DHX8: variants seen among roughly 807,000 people sequenced by gnomAD.
DHX8 encodes ATP-dependent RNA helicase DHX8.
DHX8 carries 67 observed loss-of-function variants against 140.7 expected under a neutral mutation model. That is an observed-to-expected ratio of 0.48 (90% confidence interval 0.39 to 0.58). The LOEUF is 0.58. Among genes scored for constraint, DHX8 ranks in the 20% least tolerant of loss-of-function variants. The pLI is 0.00. For synonymous variants in DHX8, 533 were observed against 553.2 expected (o/e 0.96, Z 0.51); for missense variants, 887 against 1,550.7 (o/e 0.57, Z 7.19).
Position 43,507,107 on chromosome 17 carries a change from C to G in DHX8, c.1833C>G (p.Gly611=), listed in dbSNP as rs1347614803. 6.2e-7 allele frequency: 1 copy of G among 1,614,054 alleles called. No homozygotes were observed. The highest frequency in any genetic ancestry group is 1.1e-5 in the South Asian group (1 of 91,058). The change falls in exon 13 of 23, where the codon GGC becomes GGG. Residue 611 remains glycine, a synonymous_variant. Transcript: ENST00000262415. ...YLAEAGYTSR[G]KIGCTQPRRV... Reference sequence around the variant, plus strand: ...CGGAGGCAGGCTACACTTCCAGGGGCAAGATTGGGTGTACCCAGCCCAGAA... The same window carrying G: ...CGGAGGCAGGCTACACTTCCAGGGGGAAGATTGGGTGTACCCAGCCCAGAA...
Position 43,524,033 on chromosome 17 carries a change from A to G in DHX8, c.*186A>G, listed in dbSNP as rs1598182540. The G allele has an allele frequency of 7.0e-7, 1 of 1,426,370 alleles. No individual in the cohort carries two copies. Among genetic ancestry groups the G allele is most frequent in the East Asian group, 2.5e-5 (1 of 39,242 alleles). 88.4% of individuals were successfully genotyped at this position (1,426,370 alleles called of 1,614,324 possible). A position where few individuals can be genotyped will look rare whatever the true frequency, so the allele number is the denominator to read the frequency against. On this transcript the variant is annotated 3_prime_UTR_variant, in exon 23 of 23. Transcript: ENST00000262415. ...CAGGGATTTAAACCTGGCTTTGGCAAGAGCCTGCAGCCTCCATCACCCCAA... is the reference window on the plus strand; with the variant it reads ...CAGGGATTTAAACCTGGCTTTGGCAGGAGCCTGCAGCCTCCATCACCCCAA...
downstream of DHX8, chr17:43,528,766 G>A (rs779825573): frequency 2.5e-6 from 4 of 1,605,800 alleles, no homozygotes; most frequent in South Asian, 4.4e-5. Flanking sequence ...AGAAGGTCTG[G>A]TCAGCCTGGC....
intron 1 of DHX8, among the ~76,000 whole-genome samples, chr17:43,487,937 A>T (rs1968266259): frequency 6.6e-6 from 1 of 152,042 alleles, no homozygotes; most frequent in Non-Finnish European, 1.5e-5. Context: ...AGATCGTACC[A>T]CTGTACTCCA....
intron 12 of DHX8, 131 bp downstream of exon 12, chr17:43,504,956 A>T: frequency 3.4e-6 from 3 of 878,492 alleles, no homozygotes; most frequent in Non-Finnish European, 5.1e-6. Context: ...GAGTTAAGAA[A>T]GAAGGATAAA....
At chr17:43,499,040 C>T (rs978022577) in intron 10 of DHX8, 81 bp downstream of exon 10, 6 of 1,048,818 alleles carry the variant, frequency 5.7e-6, no homozygotes, top group African/African-American at 1.7e-5. Context: ...ATTAGATCTG[C>T]GTAAGTAGAA....
chr17:43,529,939 C>T (rs1307420382), downstream of DHX8: 1 of 1,614,160 alleles, frequency 6.2e-7, no homozygotes, highest in African/African-American at 1.3e-5. Flanking sequence ...GCAGAGGTTT[C>T]TCATAGCCAT....
chr17:43,526,140 G>C (rs977006903), downstream of DHX8: 6 of 985,306 alleles, frequency 6.1e-6, no homozygotes, highest in South Asian at 1.4e-4. Context: ...AGAAGGGGGG[G>C]GTCCTGTCCA....
intron 13 of DHX8, 146 bp downstream of exon 13, chr17:43,507,343 C>T: frequency 1.8e-6 from 2 of 1,118,014 alleles, no homozygotes; most frequent in Non-Finnish European, 2.5e-6. Flanking sequence ...TCAGTCTGTT[C>T]AGAGTATAGT....
At chr17:43,534,711 G>A (rs1025141724) in intron 2 of DHX8, among the ~76,000 whole-genome samples, 5 of 151,930 alleles carry the variant, frequency 3.3e-5, no homozygotes, top group African/African-American at 1.2e-4. Context: ...AGGCCGAGGC[G>A]GGCGGATCAC....
chr17:43,526,773 AATTATAT>A, downstream of DHX8: 1 of 1,157,000 alleles, frequency 8.6e-7, no homozygotes, highest in Non-Finnish European at 1.1e-6. Flanking sequence ...TGTGGAATTA[AATTATAT>A]ATTTTTAAAA....
intron 3 of DHX8, among the ~76,000 whole-genome samples, chr17:43,537,981 T>C (rs1435986002): frequency 8.6e-5 from 13 of 151,708 alleles, no homozygotes; most frequent in African/African-American, 2.9e-4. Flanking sequence ...ACAAAAAAAA[T>C]TAGCCGGGTG....
intron 2 of DHX8, chr17:43,536,406 C>T: frequency 6.2e-7 from 1 of 1,611,826 alleles, no homozygotes. Context: ...TATACCCTCT[C>T]CCCAGGGACC....
Position 43,521,203 on chromosome 17 carries a change from T to G in DHX8, c.3067-166T>G, listed in dbSNP as rs1050471968. On this transcript the variant is annotated intron_variant, in intron 20 of 22. Transcript: ENST00000262415. ...GTCTCAAACTCCTGGCCTCAAGTGA[T>G]CCTCTTGCCTCAGTTTCCCAAAATG... 5.3e-5 allele frequency among the ~76,000 whole-genome samples: 8 copies of G among 152,050 alleles called. No homozygotes were observed. The East Asian group carries it at 7.7e-4, about 15-fold the overall frequency.
intron 1 of DHX8, among the ~76,000 whole-genome samples, chr17:43,488,560 G>C (rs1186421186): frequency 6.9e-6 from 1 of 145,506 alleles, no homozygotes; most frequent in Non-Finnish European, 1.5e-5. Context: ...GCAGTGAGCC[G>C]ATATCGCACC....
chr17:43,542,045 C>T lies in DHX8; in HGVS notation c.*21-2117C>T, dbSNP rs145461557. Among the ~76,000 whole-genome samples the T allele has an allele frequency of 2.4e-3, 369 of 152,234 alleles. 3 individuals carry two copies. Among genetic ancestry groups the T allele is most frequent in the Admixed American group, 0.019 (290 of 15,284 alleles). On this transcript the variant is annotated intron_variant, in intron 3 of 3. Coordinates refer to the DHX8 transcript ENST00000589898. The stretch of plus-strand genomic sequence containing the variant: ...GGGTGAAATGTGCCCTCCATGCATG[C>T]CCTCCACACATGGGGTCTTTTTTTG...
At chr17:43,520,727 T>G (rs1276578459) in intron 19 of DHX8, 24 bp from the exon 20 acceptor site, 2 of 1,613,762 alleles carry the variant, frequency 1.2e-6, no homozygotes, top group East Asian at 4.5e-5. Context: ...GGGAAGCAGT[T>G]GTAGTCTTTT....
chr17:43,537,560 G>A (rs189330838), intron 3 of DHX8, among the ~76,000 whole-genome samples: 91 of 151,576 alleles, frequency 6.0e-4, no homozygotes, highest in African/African-American at 2.2e-3. Context: ...GTCAGGCGTG[G>A]CGGTGGGCAC....
chr17:43,534,722 C>T (rs1435146483), intron 2 of DHX8, among the ~76,000 whole-genome samples: 1 of 152,026 alleles, frequency 6.6e-6, no homozygotes, highest in Middle Eastern at 3.4e-3. Context: ...GGCGGATCAC[C>T]TGAAGTCAGA....
chr17:43,507,012 G>T lies in DHX8; in HGVS notation c.1738G>T (p.Asp580Tyr). Residue 580 changes from aspartate to tyrosine, a missense_variant, in exon 13 of 23, where the codon GAC becomes TAC. By Grantham distance (160) the Asp-to-Tyr change is radical. Around this residue, in one of 9 missense-constraint regions of DHX8, gnomAD observed 178 missense variants for 398.5 expected, o/e 0.45. Coordinates refer to ENST00000262415, the MANE Select transcript of DHX8 (RefSeq NM_004941.3). ...ATTCTGTTGCTTTCAGGCCGTCCAT[G>T]ACAATCAGATCCTGATTGTCATTGG... ...LKEQLVQAVH[D>Y]NQILIVIGET... The T allele has an allele frequency of 2.5e-6, 4 of 1,599,650 alleles. No individual in the cohort carries two copies. The South Asian group carries it at 4.5e-5, about 18-fold the overall frequency.
Sources: allele counts gnomAD v4.1 joint callset (sites outside exome capture counted in the v4.1 genomes callset), GRCh38; gene constraint gnomAD v4.1.1; regional missense constraint gnomAD v4.1.1; transcripts MANE v1.5; gene names NCBI Gene and HGNC (gene_info 2026-07-23, HGNC 2026-07-21).